DST: variants seen among roughly 807,000 people sequenced by gnomAD.
DST encodes bullous pemphigoid antigen.
A neutral mutation model predicts 875.2 loss-of-function variants in DST; 253 were observed. The observed-to-expected ratio is 0.29, with a 90% CI of 0.26 to 0.32. The LOEUF (loss-of-function observed/expected upper bound fraction) is 0.32. Among genes scored for constraint, DST ranks in the 10% least tolerant of loss-of-function variants. The pLI is 1.00. For missense variants in DST, 8,287 were observed against 9,111.6 expected (o/e 0.91, Z 3.68); for synonymous variants, 3,124 against 3,197.1 (o/e 0.98, Z 0.77).
rs368605712 is a variant in DST, at chr6:56,517,615, G to C, written c.18135C>G (p.Asp6045Glu). 9.9e-6 allele frequency: 16 copies of C among 1,612,032 alleles called. No individual in the cohort carries two copies. The highest frequency in any genetic ancestry group is 1.4e-5 in the Non-Finnish European group (16 of 1,179,198). The change falls in exon 70 of 104, where the codon GAC (aspartate) becomes GAG (glutamate). Residue 6045 changes from aspartate to glutamate, a missense_variant. Asp to Glu is a conservative substitution (Grantham distance 45). Around this residue, in one of 10 missense-constraint regions of DST, gnomAD observed 777 missense variants for 764.8 expected, o/e 1.02. Coordinates refer to ENST00000680361, the MANE Select transcript of DST (RefSeq NM_001374736.1). ...DAAILRSQQF[D>E]QAADAELSWI... ...AGGATAACTCAGCATCAGCTGCTTG[G>C]TCAAACTAAACAAAAGATAAATAAT...
intron 50 of DST, among the ~76,000 whole-genome samples, chr6:56,575,198 AACT>A (rs1293768049): frequency 6.6e-6 from 1 of 152,088 alleles, no homozygotes; most frequent in Admixed American, 6.6e-5. Context: ...AGATGCTGGA[AACT>A]ACTAGTTGGG....
In DST at chr6:56,594,186, T is replaced by A. The variant is rs1286452147; in HGVS notation, c.12203A>T (p.His4068Leu). The stretch of plus-strand genomic sequence containing the variant: ...TTGGTGCTGAGAGATGATCTTCTCG[T>A]GTTGGGCCTATGTGAAAACAAATTG... ...NQQYQKVKAQHEKIISQHQAV... is the reference protein window; with the variant it reads ...NQQYQKVKAQLEKIISQHQAV... Residue 4068 changes from histidine to leucine, a missense_variant, in exon 48 of 104, where the codon CAC (histidine) becomes CTC (leucine). Around this residue, in one of 10 missense-constraint regions of DST, gnomAD observed 1,513 missense variants for 1,677.8 expected, o/e 0.90. Transcript: ENST00000680361. 6.6e-7 allele frequency: 1 copy of A among 1,521,488 alleles called. No homozygotes were observed. Among genetic ancestry groups the A allele is most frequent in the Non-Finnish European group, 8.8e-7 (1 of 1,141,140 alleles). 94.2% of individuals were successfully genotyped at this position (1,521,488 alleles called of 1,614,324 possible). A position where few individuals can be genotyped will look rare whatever the true frequency, so the allele number is the denominator to read the frequency against.
At chr6:56,462,952 G>T in intron 102 of DST, 94 bp downstream of exon 102, 1 of 680,080 alleles carries the variant, frequency 1.5e-6, no homozygotes. Context: ...GGTTAGCAAA[G>T]TACATATATT....
intron 60 of DST, 105 bp downstream of exon 60, chr6:56,555,240 G>T: frequency 7.9e-7 from 1 of 1,267,002 alleles, no homozygotes; most frequent in South Asian, 1.5e-5. Flanking sequence ...TTAACAGTGG[G>T]GCAGAGTCTC....
intron 3 of DST, among the ~76,000 whole-genome samples, chr6:56,873,518 G>T (rs1259162891): frequency 6.6e-6 from 1 of 152,136 alleles, no homozygotes; most frequent in Non-Finnish European, 1.5e-5. Flanking sequence ...ATACACAAAG[G>T]AATATTATTC....
At position 56,592,288 on chromosome 6, in the gene DST, C is replaced by T. The variant is rs1211754299; in HGVS notation, c.12797G>A (p.Gly4266Glu). ...KYQHYEDASC[G>E]LLAGLQACEA... ...ACAGGCCTGGAGTCCAGCAAGAAGT[C>T]CACATGAAGCATCTTCATAGTGTTG... Residue 4266 changes from glycine (G) to glutamate (E), a missense_variant, in exon 49 of 104, where the codon GGA becomes GAA. Gly to Glu is a moderately conservative substitution (Grantham distance 98). Around this residue, in one of 10 missense-constraint regions of DST, gnomAD observed 1,513 missense variants for 1,677.8 expected, o/e 0.90. Transcript: ENST00000680361. 2 of 1,611,408 alleles carry T rather than the reference C, an allele frequency of 1.2e-6. No individual in the cohort carries two copies. Among genetic ancestry groups the T allele is most frequent in the South Asian group, 2.2e-5 (2 of 90,478 alleles).
intron 98 of DST, 95 bp from the exon 99 acceptor site, chr6:56,466,290 T>C (rs766616771): frequency 1.2e-6 from 1 of 805,968 alleles, no homozygotes; most frequent in African/African-American, 1.7e-5. Flanking sequence ...CAACCGACTT[T>C]AATTTCTTGC....
At chr6:56,950,256 T>G (rs1821658367) in intron 2 of DST, among the ~76,000 whole-genome samples, 1 of 152,202 alleles carries the variant, frequency 6.6e-6, no homozygotes, top group Admixed American at 6.5e-5. Flanking sequence ...GAACACACTC[T>G]TCTCCTTCCT....
At chr6:56,723,141 G>T (rs1038200408) in intron 5 of DST, among the ~76,000 whole-genome samples, 2 of 152,220 alleles carry the variant, frequency 1.3e-5, no homozygotes, top group African/African-American at 4.8e-5. Context: ...ATTCTGGGGG[G>T]CTGGCCCAAG....
chr6:56,732,674 C>T (rs183615533), intron 5 of DST, among the ~76,000 whole-genome samples: 2 of 152,320 alleles, frequency 1.3e-5, no homozygotes, highest in Non-Finnish European at 2.9e-5. Flanking sequence ...ACGCCAGTAT[C>T]AACCCTGAGC....
chr6:56,782,297 G>T (rs2099695754), intron 4 of DST, among the ~76,000 whole-genome samples: 1 of 152,192 alleles, frequency 6.6e-6, no homozygotes, highest in Non-Finnish European at 1.5e-5. Context: ...CAGAAGGAAT[G>T]GTACCAGCTC....
intron 4 of DST, among the ~76,000 whole-genome samples, chr6:56,803,838 T>C (rs963538892): frequency 3.9e-5 from 6 of 152,238 alleles, no homozygotes; most frequent in Non-Finnish European, 7.4e-5. Context: ...AAAGCACAGA[T>C]ACAATTTCTT....
chr6:56,673,593 T>C (rs1277470894), intron 9 of DST, among the ~76,000 whole-genome samples: 1 of 152,190 alleles, frequency 6.6e-6, no homozygotes, highest in Non-Finnish European at 1.5e-5. Context: ...GGTCTGAAAA[T>C]AGCCTAAATG....
At chr6:56,592,446 ACTTGG>A in intron 48 of DST, 88 bp from the exon 49 acceptor site, 1 of 1,115,352 alleles carries the variant, frequency 9.0e-7, no homozygotes, top group Non-Finnish European at 1.3e-6. Flanking sequence ...AAAATATGTA[ACTTGG>A]AAAAAAAACC....
At chr6:56,599,944 TTGG>T in intron 45 of DST, 122 bp downstream of exon 45, 7 of 812,806 alleles carry the variant, frequency 8.6e-6, no homozygotes, top group Non-Finnish European at 1.1e-5. Context: ...CCAGGGCGTC[TTGG>T]GTATGCCTTG....
intron 4 of DST, among the ~76,000 whole-genome samples, chr6:56,830,293 T>C (rs983762522): frequency 1.3e-5 from 2 of 152,148 alleles, no homozygotes; most frequent in Admixed American, 6.5e-5. Context: ...ATTAAGTGCA[T>C]CTGCAGGATA....
At chr6:56,777,474 C>G (rs116292791) in intron 4 of DST, among the ~76,000 whole-genome samples, 2 of 152,016 alleles carry the variant, frequency 1.3e-5, no homozygotes, top group Admixed American at 1.3e-4. Flanking sequence ...AGTGGGACAG[C>G]CTGACCCTGT....
chr6:56,871,384 C>T, intron 3 of DST: 2 of 1,284,770 alleles, frequency 1.6e-6, no homozygotes, highest in Non-Finnish European at 2.3e-6. Flanking sequence ...CGTTACAATG[C>T]TGGAGTTGGC....
chr6:56,707,818 A>T (rs958933641), intron 5 of DST, among the ~76,000 whole-genome samples: 1 of 152,244 alleles, frequency 6.6e-6, no homozygotes, highest in African/African-American at 2.4e-5. Flanking sequence ...ACAAAGGAAA[A>T]TTAAAACAGA....
Sources: allele counts gnomAD v4.1 joint callset (sites outside exome capture counted in the v4.1 genomes callset), GRCh38; gene constraint gnomAD v4.1.1; regional missense constraint gnomAD v4.1.1; transcripts MANE v1.5; gene names NCBI Gene and HGNC (gene_info 2026-07-23, HGNC 2026-07-21).